TGFBR2: variants seen among roughly 807,000 people sequenced by gnomAD.
TGFBR2 encodes the protein transforming growth factor beta receptor 2, also known as TGF-beta receptor type-2.
A neutral mutation model predicts 49.0 loss-of-function variants in TGFBR2; 18 were observed. That is an observed-to-expected ratio of 0.37 (90% CI 0.25 to 0.54). The LOEUF (loss-of-function observed/expected upper bound fraction) is 0.54. TGFBR2 is among the 20% of genes least tolerant of loss of function. TGFBR2 has a pLI of 0.85. For synonymous variants in TGFBR2, 282 were observed against 275.9 expected, an observed-to-expected ratio of 1.02 and a Z score of -0.22; for missense variants, 525 against 722.6, an observed-to-expected ratio of 0.73 and a Z score of 3.13.
intron 3 of TGFBR2, 27 bp downstream of exon 3, chr3:30,650,487 G>T (rs960399652): frequency 6.2e-7 from 1 of 1,612,878 alleles, no homozygotes; most frequent in Admixed American, 1.7e-5. Flanking sequence ...TAAGGGTGTG[G>T]GACCTGAGAT....
At position 30,632,373 on chromosome 3, in the gene TGFBR2, C is replaced by T. The variant is rs10212320; in HGVS notation, c.95-12374C>T. On this transcript the variant is annotated intron_variant, in intron 1 of 6. Coordinates refer to ENST00000295754, the MANE Select transcript of TGFBR2 (RefSeq NM_003242.6). ...GGATTCTCAAGTTACTGCCTGTTTG[C>T]CAGACCTATGCTGGTTATGAACAAT... 6.9e-3 allele frequency among the ~76,000 whole-genome samples: 1,045 copies of T among 152,298 alleles called. 10 individuals carry two copies. The highest frequency in any genetic ancestry group is 0.023 in the African/African-American group (949 of 41,558).
In TGFBR2 at chr3:30,622,422, A is replaced by C. The variant is rs6773330; in HGVS notation, c.94+15445A>C. Among the ~76,000 whole-genome samples, 6 of 152,134 alleles carry C rather than the reference A, an allele frequency of 3.9e-5. No individual in the cohort carries two copies. In the East Asian group the frequency reaches 1.2e-3, roughly 29 times the overall value. On this transcript the variant is annotated intron_variant, in intron 1 of 6. Coordinates refer to ENST00000295754, the MANE Select transcript of TGFBR2 (RefSeq NM_003242.6). ...CTTTATTGGTGGTCACCAAGATGCAATGAAAGGTCCTGATTTTGTGAACAT... is the reference window on the plus strand; with the variant it reads ...CTTTATTGGTGGTCACCAAGATGCACTGAAAGGTCCTGATTTTGTGAACAT...
intron 1 of TGFBR2, among the ~76,000 whole-genome samples, chr3:30,641,105 A>G (rs1420975111): frequency 1.3e-5 from 2 of 152,092 alleles, no homozygotes; most frequent in Non-Finnish European, 2.9e-5. Context: ...ACCACTTAGC[A>G]TGTTATTAGT....
intron 2 of TGFBR2, 142 bp downstream of exon 2, chr3:30,645,057 C>T (rs1156384643): frequency 5.0e-6 from 4 of 803,238 alleles, no homozygotes; most frequent in African/African-American, 1.7e-5. Flanking sequence ...ATCTCTCTTT[C>T]GATTATTAAA....
chr3:30,682,508 C>T (rs1699556927), intron 5 of TGFBR2, among the ~76,000 whole-genome samples: 2 of 152,290 alleles, frequency 1.3e-5, no homozygotes, highest in South Asian at 4.1e-4. Context: ...CACTCCTGAA[C>T]TTGCTTTTTA....
chr3:30,672,160 C>T lies in TGFBR2; in HGVS notation c.977C>T (p.Ala326Val), dbSNP rs2125435465. 1 of 1,614,170 alleles carries T rather than the reference C, an allele frequency of 6.2e-7. No individual in the cohort carries two copies. The highest frequency in any genetic ancestry group is 8.5e-7 in the Non-Finnish European group (1 of 1,180,002). The change falls in exon 4 of 7, where the codon GCC becomes GTC. Residue 326 changes from alanine to valine, a missense_variant. Coordinates refer to ENST00000295754, the MANE Select transcript of TGFBR2 (RefSeq NM_003242.6). The surrounding 1 kb of genome is among the most constrained non-coding windows in gnomAD (Gnocchi z 4.5). Reference sequence around the variant, plus strand: ...GGGAAACAATACTGGCTGATCACCGCCTTCCACGCCAAGGGCAACCTACAG... The same window carrying T: ...GGGAAACAATACTGGCTGATCACCGTCTTCCACGCCAAGGGCAACCTACAG... ...ELGKQYWLIT[A>V]FHAKGNLQEY... is the part of the protein sequence containing the mutation.
intron 1 of TGFBR2, among the ~76,000 whole-genome samples, chr3:30,643,577 T>C (rs974237742): frequency 6.6e-6 from 1 of 152,316 alleles, no homozygotes; most frequent in African/African-American, 2.4e-5. Context: ...CTAATCTGAG[T>C]GAAGAAGTTC....
In TGFBR2 at chr3:30,692,313, C is replaced by G. The variant is rs1374819109; in HGVS notation, c.*714C>G. 1 of 230,152 alleles carries G rather than the reference C, an allele frequency of 4.3e-6. No homozygotes were observed. Among genetic ancestry groups the G allele is most frequent in the African/African-American group, 2.2e-5 (1 of 45,118 alleles). 14.3% of individuals were successfully genotyped at this position (230,152 alleles called of 1,614,324 possible). A position where few individuals can be genotyped will look rare whatever the true frequency, so the allele number is the denominator to read the frequency against. ...CTGGACTTTTCATTTAAGCTCCAAG[C>G]CCCAAATCTGGGGGGCTAGTTTAGA... On this transcript the variant is annotated 3_prime_UTR_variant, in exon 7 of 7. Coordinates refer to ENST00000295754, the MANE Select transcript of TGFBR2 (RefSeq NM_003242.6).
At chr3:30,631,231 G>A (rs575890782) in intron 1 of TGFBR2, among the ~76,000 whole-genome samples, 7 of 151,948 alleles carry the variant, frequency 4.6e-5, no homozygotes, top group South Asian at 2.1e-4. Context: ...TAGTAGAGAC[G>A]GGGTTTCGCC....
At chr3:30,666,279 G>T (rs1448629813) in intron 3 of TGFBR2, among the ~76,000 whole-genome samples, 3 of 152,038 alleles carry the variant, frequency 2.0e-5, no homozygotes, top group African/African-American at 7.3e-5. Context: ...ATTCATGGAA[G>T]GTCCCAATAG....
intron 3 of TGFBR2, among the ~76,000 whole-genome samples, chr3:30,653,250 C>CTTTTTTTT (rs3076740): frequency 1.9e-4 from 21 of 113,424 alleles, no homozygotes; most frequent in South Asian, 2.9e-4. Flanking sequence ...GGAATGAAAA[C>CTTTTTTTT]TTTTTTTTTT....
At position 30,624,556 on chromosome 3, in the gene TGFBR2, C is replaced by G. The variant is rs529268296; in HGVS notation, c.94+17579C>G. Among the ~76,000 whole-genome samples, 17 of 151,576 alleles carry G rather than the reference C, an allele frequency of 1.1e-4. 1 individual carries two copies. In the East Asian group the frequency reaches 3.3e-3, roughly 30 times the overall value. The stretch of plus-strand genomic sequence containing the variant: ...ACTTGAACCTGGGAGGCGGAGGTTG[C>G]AGTGAGCTGAGATCGTGCCACTGCA... On this transcript the variant is annotated intron_variant, in intron 1 of 6. Transcript: ENST00000295754.
In TGFBR2 at chr3:30,615,783, A is replaced by G. The variant is rs888579532; in HGVS notation, c.94+8806A>G. Reference sequence around the variant, plus strand: ...GAGATGAGATCTCATTCTGTCACTCAGTCTGGAAAGCAGTTGCATAATCAT... The same window carrying G: ...GAGATGAGATCTCATTCTGTCACTCGGTCTGGAAAGCAGTTGCATAATCAT... On this transcript the variant is annotated intron_variant, in intron 1 of 6. Transcript: ENST00000295754. Among the ~76,000 whole-genome samples the G allele has an allele frequency of 2.0e-5, 3 of 151,980 alleles. No individual in the cohort carries two copies. In the East Asian group the frequency reaches 5.8e-4, roughly 29 times the overall value.
chr3:30,651,304 G>A (rs1698880862), intron 3 of TGFBR2, among the ~76,000 whole-genome samples: 1 of 152,120 alleles, frequency 6.6e-6, no homozygotes, highest in South Asian at 2.1e-4. Context: ...TATTGACAAT[G>A]TATTAGATGC....
At chr3:30,625,151 C>T (rs1698309081) in intron 1 of TGFBR2, among the ~76,000 whole-genome samples, 1 of 152,078 alleles carries the variant, frequency 6.6e-6, no homozygotes. Flanking sequence ...CAAGAAAAGA[C>T]TCAAATTTTG....
At chr3:30,636,980 C>T (rs372394095) in intron 1 of TGFBR2, among the ~76,000 whole-genome samples, 3 of 150,072 alleles carry the variant, frequency 2.0e-5, no homozygotes, top group Middle Eastern at 3.2e-3. Flanking sequence ...AGGAGAATGG[C>T]GTGAACCTGG....
intron 2 of TGFBR2, among the ~76,000 whole-genome samples, chr3:30,647,542 T>A (rs1423178771): frequency 6.7e-6 from 1 of 149,384 alleles, no homozygotes; most frequent in South Asian, 2.2e-4. Context: ...GTTGTTTTTT[T>A]AATCAGTTTT....
intron 3 of TGFBR2, among the ~76,000 whole-genome samples, chr3:30,665,168 A>G (rs1699221490): frequency 6.6e-6 from 1 of 152,240 alleles, no homozygotes; most frequent in Non-Finnish European, 1.5e-5. Context: ...GTATATATGC[A>G]ACTGGCTGAG....
intron 1 of TGFBR2, among the ~76,000 whole-genome samples, chr3:30,638,866 A>G (rs192503780): frequency 1.1e-4 from 17 of 152,232 alleles, no homozygotes; most frequent in Admixed American, 2.0e-4. Flanking sequence ...CAAGGGTCGG[A>G]GCTGCTGTTG....
Sources: gnomAD v4.1 joint callset for allele counts (sites outside exome capture counted in the v4.1 genomes callset) on GRCh38, gnomAD v4.1.1 for gene constraint, Gnocchi (gnomAD v3.1) non-coding constraint, MANE v1.5 for transcripts, NCBI Gene and HGNC (gene_info 2026-07-23, HGNC 2026-07-21) for gene names.